Variants in ZWINT observed in about 807,000 individuals in gnomAD.
ZWINT encodes outer kinetochore KNL1 complex subunit ZWINT.
Under a neutral mutation model 41.5 loss-of-function variants are expected in ZWINT, and 41 were observed. The ratio of observed to expected loss-of-function variants is 0.99; its 90% confidence interval spans 0.77 to 1.28. The LOEUF (loss-of-function observed/expected upper bound fraction) is 1.28. Ranked by LOEUF, ZWINT falls within the 50% of genes most tolerant of loss-of-function variation. The pLI is 0.00. For missense variants in ZWINT, 369 were observed against 329.7 expected (o/e 1.12, Z -0.92); for synonymous variants, 132 against 126.8 (o/e 1.04, Z -0.28).
intron 1 of ZWINT, among the ~76,000 whole-genome samples, chr10:56,360,780 CAG>C (rs1838312778): frequency 2.0e-5 from 3 of 152,124 alleles, no homozygotes; most frequent in South Asian, 4.1e-4. Context: ...AGCCTTGGGG[CAG>C]AGTCTTGGAA....
Position 56,360,305 on chromosome 10 carries a change from A to C in ZWINT, c.120T>G (p.Val40=). 11 of 1,614,040 alleles carry C rather than the reference A, an allele frequency of 6.8e-6. No individual in the cohort carries two copies. The highest frequency in any genetic ancestry group is 9.3e-6 in the Non-Finnish European group (11 of 1,179,966). ...ATCTTGTACATACCACCACAAACTC[A>C]ACCAGGATCTTGGCTGGCAGTTCTG... ...EEAELPAKIL[V]EFVVDSQKKD... The change falls in exon 2 of 9, where the codon GTT becomes GTG. Residue 40 remains valine, a synonymous_variant. Coordinates refer to ENST00000373944, the MANE Select transcript of ZWINT (RefSeq NM_007057.4).
rs757710678 is a variant in ZWINT, at chr10:56,358,779, T to C, written c.623+26A>G. On this transcript the variant is annotated intron_variant, in intron 6 of 8. Coordinates refer to ENST00000373944, the MANE Select transcript of ZWINT (RefSeq NM_007057.4). Reference sequence around the variant, plus strand: ...GGAATCTCAGCTGGACCATTTTGAATCTGCAGCCCATGCTCCCGAACTTAC... The same window carrying C: ...GGAATCTCAGCTGGACCATTTTGAACCTGCAGCCCATGCTCCCGAACTTAC... 5 of 1,613,850 alleles carry C rather than the reference T, an allele frequency of 3.1e-6. No homozygotes were observed. The African/African-American group carries it at 5.3e-5, about 17-fold the overall frequency.
chr10:56,360,051 C>G lies in ZWINT; in HGVS notation c.223G>C (p.Gly75Arg), dbSNP rs756923439. ...TCTTCAGAAGCCAAGGGGTCGAGAC[C>G]CTTAGCAGTGTCCTCCTGAGCCAGG... is the stretch of plus-strand genomic sequence containing the variant. ...NILAQEDTAKGLDPLASEDTS... is the reference protein window; with the variant it reads ...NILAQEDTAKRLDPLASEDTS... The change falls in exon 3 of 9, where the codon GGT becomes CGT. Residue 75 changes from glycine (G) to arginine (R), a missense_variant. By Grantham distance (125) the Gly-to-Arg change is moderately radical (BLOSUM62 -2). Transcript: ENST00000373944. The G allele has an allele frequency of 7.4e-6, 12 of 1,614,108 alleles. No individual in the cohort carries two copies. The highest frequency in any genetic ancestry group is 1.0e-5 in the Non-Finnish European group (12 of 1,180,026).
chr10:56,360,827 G>A (rs4144610), intron 1 of ZWINT, among the ~76,000 whole-genome samples: 15,707 of 152,162 alleles, frequency 0.1, 961 homozygotes, highest in South Asian at 0.24. Context: ...AGGGCTGGAT[G>A]CCTCGGTCTA....
chr10:56,359,778 T>C lies in ZWINT; in HGVS notation c.332A>G (p.Lys111Arg). The C allele has an allele frequency of 1.2e-6, 2 of 1,614,148 alleles. No individual in the cohort carries two copies. The highest frequency in any genetic ancestry group is 2.2e-5 in the South Asian group (2 of 91,080). ...ATYREHVEAI[K>R]IGLTKALTQM... ...AGTCAGGGCCTTGGTGAGGCCAATT[T>C]TGATGGCCTCTACGTGCTCCCTGTA... Residue 111 changes from lysine (K) to arginine (R), a missense_variant, in exon 4 of 9, where the codon AAA becomes AGA. Transcript: ENST00000373944.
chr10:56,358,186 C>G lies in ZWINT; in HGVS notation c.*42-1G>C. ...TTGGGAGGTGAGGGAAGTCAGAGGC[C>G]TGGGGAAGAAGACAGGGGTTAGCTC... is the stretch of plus-strand genomic sequence containing the variant. On this transcript the variant is annotated splice_acceptor_variant, in intron 8 of 8. Transcript: ENST00000373944. LOFTEE classifies it low-confidence loss of function (3UTR_SPLICE). 1 of 755,946 alleles carries G rather than the reference C, an allele frequency of 1.3e-6. No homozygotes were observed. Among genetic ancestry groups the G allele is most frequent in the Non-Finnish European group, 2.5e-6 (1 of 404,178 alleles). The allele number at this position is 755,946 out of a possible 1,614,324, so 46.8% of individuals were successfully genotyped here.
intron 2 of ZWINT, 42 bp downstream of exon 2, chr10:56,360,251 A>G (rs768522400): frequency 1.9e-6 from 3 of 1,609,904 alleles, no homozygotes; most frequent in Non-Finnish European, 2.5e-6. Flanking sequence ...AGCCAGGACC[A>G]GACCCTGGCT....
chr10:56,358,695 G>T lies in ZWINT; in HGVS notation c.653C>A (p.Thr218Asn). Residue 218 changes from threonine to asparagine, a missense_variant, in exon 7 of 9, where the codon ACC becomes AAC. Transcript: ENST00000373944. ...RYQTFLQLLY[T>N]LQGKLLFPEA... ...AGGGAACAACAGCTTACCCTGCAGG[G>T]TATACAGAAGCTGGAGGAAGGTCTG... 1 of 1,614,104 alleles carries T rather than the reference G, an allele frequency of 6.2e-7. No homozygotes were observed. Among genetic ancestry groups the T allele is most frequent in the Non-Finnish European group, 8.5e-7 (1 of 1,180,028 alleles).
At chr10:56,361,048 C>G (rs899540385) in intron 1 of ZWINT, 148 bp downstream of exon 1, 2 of 841,214 alleles carry the variant, frequency 2.4e-6, no homozygotes, top group East Asian at 2.7e-5. Flanking sequence ...ACCTCAGGAA[C>G]CTAAGACGGG....
intron 1 of ZWINT, 66 bp downstream of exon 1, chr10:56,361,130 A>C: frequency 3.2e-6 from 5 of 1,583,388 alleles, no homozygotes; most frequent in Non-Finnish European, 4.3e-6. Context: ...ACCAATCATT[A>C]CACATAGGGG....
chr10:56,358,569 C>G lies in ZWINT; in HGVS notation c.779G>C (p.Gly260Ala), dbSNP rs562729512. ...TCTCTCATTTACCTTGAAGGACACA[C>G]CAGGGTCTCTCCCCATGGTGTCTCC... ...STGDTMGRDP[G>A]VSFKAVGLQP... is the part of the protein sequence containing the mutation. Residue 260 changes from glycine to alanine, a missense_variant, in exon 7 of 9, where the codon GGT becomes GCT. By Grantham distance (60) the Gly-to-Ala change is moderately conservative. Transcript: ENST00000373944. 1.8e-4 allele frequency: 298 copies of G among 1,614,094 alleles called. 6 individuals are homozygous for G. In the South Asian group the frequency reaches 3.2e-3, roughly 17 times the overall value.
At position 56,360,282 on chromosome 10, in the gene ZWINT, C is replaced by T. The variant is rs989875931; in HGVS notation, c.132+11G>A. The stretch of plus-strand genomic sequence containing the variant: ...TGGCTTCTGAAAGGCTCGCTCTCAT[C>T]TTGTACATACCACCACAAACTCAAC... On this transcript the variant is annotated intron_variant, in intron 2 of 8. Transcript: ENST00000373944. The T allele has an allele frequency of 1.2e-6, 2 of 1,613,998 alleles. No homozygotes were observed. Among genetic ancestry groups the T allele is most frequent in the Non-Finnish European group, 1.7e-6 (2 of 1,179,934 alleles).
chr10:56,358,790 T>C lies in ZWINT; in HGVS notation c.623+15A>G, dbSNP rs570677205. ...TGGACCATTTTGAATCTGCAGCCCATGCTCCCGAACTTACCTCTGCAGCTT... is the reference window on the plus strand; with the variant it reads ...TGGACCATTTTGAATCTGCAGCCCACGCTCCCGAACTTACCTCTGCAGCTT... On this transcript the variant is annotated intron_variant, in intron 6 of 8. Coordinates refer to ENST00000373944, the MANE Select transcript of ZWINT (RefSeq NM_007057.4). 2.0e-5 allele frequency: 33 copies of C among 1,614,046 alleles called. No homozygotes were observed. The South Asian group carries it at 3.0e-4, about 14-fold the overall frequency.
chr10:56,358,489 A>G (rs372051845), intron 7 of ZWINT, 30 bp from the exon 8 acceptor site: 29 of 1,613,904 alleles, frequency 1.8e-5, no homozygotes, highest in Non-Finnish European at 2.4e-5. Flanking sequence ...GACAGTGGGT[A>G]AGGCCAATCT....
intron 5 of ZWINT, 74 bp downstream of exon 5, chr10:56,359,402 T>G (rs879268061): frequency 5.2e-5 from 74 of 1,429,862 alleles, no homozygotes; most frequent in Non-Finnish European, 6.8e-5. Context: ...CAAAACGGTT[T>G]TCTAGACAGG....
At chr10:56,359,932 C>G in intron 3 of ZWINT, 79 bp from the exon 4 acceptor site, 20 of 1,605,528 alleles carry the variant, frequency 1.2e-5, no homozygotes, top group Non-Finnish European at 1.7e-5. Flanking sequence ...GGGCCTCCTT[C>G]CCATCAGCCA....
At chr10:56,360,270 G>T (rs555724991) in intron 2 of ZWINT, 23 bp downstream of exon 2, 12 of 1,613,508 alleles carry the variant, frequency 7.4e-6, no homozygotes, top group Non-Finnish European at 1.0e-5. Context: ...CTTCTGAAAG[G>T]CTCGCTCTCA....
In ZWINT at chr10:56,359,784, G is replaced by A; in HGVS notation, c.326C>T (p.Ala109Val). 1 of 1,614,094 alleles carries A rather than the reference G, an allele frequency of 6.2e-7. No homozygotes were observed. Among genetic ancestry groups the A allele is most frequent in the South Asian group, 1.1e-5 (1 of 91,072 alleles). The change falls in exon 4 of 9, where the codon GCC becomes GTC. Residue 109 changes from alanine to valine, a missense_variant. By Grantham distance (64) the Ala-to-Val change is moderately conservative (BLOSUM62 0). Transcript: ENST00000373944. ...LKATYREHVE[A>V]IKIGLTKALT... ...GGCCTTGGTGAGGCCAATTTTGATG[G>A]CCTCTACGTGCTCCCTGTAGGTGGC...
At chr10:56,359,620 T>G in intron 4 of ZWINT, 67 bp downstream of exon 4, 2 of 1,600,764 alleles carry the variant, frequency 1.2e-6, no homozygotes, top group Non-Finnish European at 1.7e-6. Flanking sequence ...CAACTCAGCT[T>G]GCTCACTCTT....
Sources: gnomAD v4.1 joint callset for allele counts (sites outside exome capture counted in the v4.1 genomes callset) on GRCh38, gnomAD v4.1.1 for gene constraint, MANE v1.5 for transcripts, NCBI Gene and HGNC (gene_info 2026-07-23, HGNC 2026-07-21) for gene names.